The following PSD3 variants were observed in gnomAD, a reference collection of about 807,000 sequenced individuals.
PSD3 encodes pleckstrin and Sec7 domain containing 3.
PSD3 carries 49 observed loss-of-function variants against 105.5 expected under a neutral mutation model. The observed-to-expected ratio is 0.46, with a 90% confidence interval of 0.37 to 0.59. The LOEUF is 0.59. Ranked by LOEUF, PSD3 falls within the 20% of genes least tolerant of loss-of-function variation. The pLI is 0.00. For missense variants in PSD3, 1,561 were observed against 1,263.8 expected (o/e 1.24, Z -3.57); for synonymous variants, 557 against 457.8 (o/e 1.22, Z -2.77).
At chr8:18,972,135 AT>A (rs1824688156) in intron 1 of PSD3, among the ~76,000 whole-genome samples, 1 of 152,244 alleles carries the variant, frequency 6.6e-6, no homozygotes, top group Non-Finnish European at 1.5e-5. Flanking sequence ...TCCTCAATCT[AT>A]TTTCATAGAG....
intron 6 of PSD3, among the ~76,000 whole-genome samples, chr8:18,803,818 C>G (rs1475120125): frequency 6.6e-6 from 1 of 151,920 alleles, no homozygotes; most frequent in Non-Finnish European, 1.5e-5. Flanking sequence ...GAGTATGGAG[C>G]TTCAGTTTTA....
chr8:18,697,242 T>G (rs576517271), intron 9 of PSD3, among the ~76,000 whole-genome samples: 2 of 152,126 alleles, frequency 1.3e-5, no homozygotes, highest in South Asian at 2.1e-4. Context: ...GACAGCGACA[T>G]GGGGTGAGTG....
At chr8:19,082,906 G>A (rs550786443) in intron 1 of PSD3, among the ~76,000 whole-genome samples, 5 of 152,314 alleles carry the variant, frequency 3.3e-5, no homozygotes, top group African/African-American at 4.8e-5. Flanking sequence ...CTCCAAGAGC[G>A]CTACTCTGGA....
At chr8:18,676,269 A>G (rs141480517) in intron 9 of PSD3, among the ~76,000 whole-genome samples, 1 of 152,274 alleles carries the variant, frequency 6.6e-6, no homozygotes, top group African/African-American at 2.4e-5. Flanking sequence ...ACCTTCCCCA[A>G]AAGAATGTGT....
chr8:18,792,227 A>G (rs546766036), intron 8 of PSD3, among the ~76,000 whole-genome samples: 1 of 152,362 alleles, frequency 6.6e-6, no homozygotes, highest in East Asian at 1.9e-4. Flanking sequence ...ATATATGTAA[A>G]GGAACAGAAA....
At chr8:18,565,329 C>T (rs139485286) in intron 14 of PSD3, among the ~76,000 whole-genome samples, 102 of 152,298 alleles carry the variant, frequency 6.7e-4, no homozygotes, top group Non-Finnish European at 1.1e-3. Flanking sequence ...AGAAGCAAAA[C>T]TTGTATTTTC....
intron 4 of PSD3, among the ~76,000 whole-genome samples, chr8:18,816,336 A>T (rs1381004563): frequency 6.6e-6 from 1 of 152,226 alleles, no homozygotes; most frequent in Non-Finnish European, 1.5e-5. Context: ...GGTGCAGTTA[A>T]ATAACTTTGC....
In PSD3 at chr8:18,870,927, C is replaced by T. The variant is rs113829796; in HGVS notation, c.1238+699G>A. On this transcript the variant is annotated intron_variant, in intron 3 of 15. Coordinates refer to ENST00000327040, the MANE Select transcript of PSD3 (RefSeq NM_015310.4). ...CAGCCTGGGCAACAAAGTGGGACCCCATCTCTACAAAGAGTACAAAAGTTG... is the reference window on the plus strand; with the variant it reads ...CAGCCTGGGCAACAAAGTGGGACCCTATCTCTACAAAGAGTACAAAAGTTG... Among the ~76,000 whole-genome samples the T allele has an allele frequency of 9.2e-3, 1,401 of 152,124 alleles. 23 individuals are homozygous for T. The highest frequency in any genetic ancestry group is 0.032 in the African/African-American group (1,326 of 41,500).
chr8:18,740,296 T>G (rs1254222740), intron 9 of PSD3, among the ~76,000 whole-genome samples: 1 of 152,186 alleles, frequency 6.6e-6, no homozygotes, highest in East Asian at 1.9e-4. Context: ...CACTAAATTT[T>G]GGCAACCTAC....
At chr8:18,883,752 A>G (rs1818273574) in intron 2 of PSD3, among the ~76,000 whole-genome samples, 1 of 152,214 alleles carries the variant, frequency 6.6e-6, no homozygotes, top group African/African-American at 2.4e-5. Flanking sequence ...TCAGTCTGAT[A>G]AGATACTATG....
At position 18,741,308 on chromosome 8, in the gene PSD3, C is replaced by T. The variant is rs1024665483; in HGVS notation, c.2172+24141G>A. Among the ~76,000 whole-genome samples, 40 of 152,114 alleles carry T rather than the reference C, an allele frequency of 2.6e-4. 1 individual carries two copies. Among genetic ancestry groups the T allele is most frequent in the Admixed American group, 1.3e-4 (2 of 15,268 alleles). On this transcript the variant is annotated intron_variant, in intron 9 of 15. Coordinates refer to ENST00000327040, the MANE Select transcript of PSD3 (RefSeq NM_015310.4). ...GTTAGAGAAAGTGGACTCTGAAAGC[C>T]TCCTTAATTTGCCCAATGTCACAAT...
At chr8:18,717,295 G>A (rs1195010080) in intron 9 of PSD3, among the ~76,000 whole-genome samples, 3 of 151,868 alleles carry the variant, frequency 2.0e-5, no homozygotes, top group African/African-American at 7.3e-5. Flanking sequence ...ACTTTCTTAA[G>A]GAGCAGAACC....
intron 1 of PSD3, among the ~76,000 whole-genome samples, chr8:18,953,595 A>G (rs1823379974): frequency 6.6e-6 from 1 of 152,010 alleles, no homozygotes; most frequent in African/African-American, 2.4e-5. Flanking sequence ...CTAAAATTAC[A>G]AAAATTAGCT....
At chr8:18,982,387 G>A (rs1206628425) in intron 1 of PSD3, among the ~76,000 whole-genome samples, 1 of 152,100 alleles carries the variant, frequency 6.6e-6, no homozygotes, top group African/African-American at 2.4e-5. Context: ...TCCTGTTCAT[G>A]TTAGTATTTT....
chr8:18,579,118 A>ACACACG (rs1802645230), intron 12 of PSD3, among the ~76,000 whole-genome samples: 1 of 151,806 alleles, frequency 6.6e-6, no homozygotes, highest in Non-Finnish European at 1.5e-5. Flanking sequence ...ACACACACAC[A>ACACACG]CACACACACA....
At chr8:18,964,806 G>T (rs933197086) in intron 1 of PSD3, among the ~76,000 whole-genome samples, 1 of 152,204 alleles carries the variant, frequency 6.6e-6, no homozygotes, top group Admixed American at 6.5e-5. Context: ...CTCAAAGGAA[G>T]TAGATTATAA....
intron 4 of PSD3, among the ~76,000 whole-genome samples, chr8:18,857,143 G>A (rs377530489): frequency 3.9e-5 from 6 of 152,184 alleles, no homozygotes; most frequent in East Asian, 3.9e-4. Flanking sequence ...CCAAACCTCT[G>A]TTAGGAGAAT....
At chr8:18,987,445 G>T (rs1033376881) in intron 1 of PSD3, among the ~76,000 whole-genome samples, 1 of 151,932 alleles carries the variant, frequency 6.6e-6, no homozygotes, top group Admixed American at 6.6e-5. Context: ...CCGCCACCAC[G>T]CCTGGCTAAT....
At chr8:18,898,331 G>T (rs1164416223) in intron 2 of PSD3, among the ~76,000 whole-genome samples, 4 of 152,102 alleles carry the variant, frequency 2.6e-5, no homozygotes, top group Non-Finnish European at 5.9e-5. Context: ...TTGCTGAATT[G>T]ATCCTGTTAT....
Sources: gnomAD v4.1 joint callset for allele counts (sites outside exome capture counted in the v4.1 genomes callset) on GRCh38, gnomAD v4.1.1 for gene constraint, MANE v1.5 for transcripts, NCBI Gene and HGNC (gene_info 2026-07-23, HGNC 2026-07-21) for gene names.